CD3G: variants seen among roughly 807,000 people sequenced by gnomAD.
The protein encoded by CD3G is T-cell surface glycoprotein CD3 gamma chain.
In CD3G, 24 loss-of-function variants were observed where a neutral mutation model predicts 28.3. That is an observed-to-expected ratio of 0.85 (90% CI 0.61 to 1.19). CD3G has a LOEUF of 1.19. Among genes scored for constraint, CD3G ranks in the 50% most tolerant of loss-of-function variants. CD3G has a pLI of 0.00. For synonymous variants in CD3G, 71 were observed against 75.9 expected (o/e 0.93, Z 0.34); for missense variants, 211 against 210.0 (o/e 1.00, Z -0.03).
At position 118,348,793 on chromosome 11, in the gene CD3G, C is replaced by T. The variant is rs140572326; in HGVS notation, c.56-234C>T. Among the ~76,000 whole-genome samples the T allele has an allele frequency of 1.0e-2, 1,519 of 152,292 alleles. 19 individuals carry two copies. Among genetic ancestry groups the T allele is most frequent in the African/African-American group, 0.014 (602 of 41,588 alleles). On this transcript the variant is annotated intron_variant, in intron 1 of 6. Coordinates refer to ENST00000532917, the MANE Select transcript of CD3G (RefSeq NM_000073.3). ...ACTCCTGTCACTCATGAAATTCCAA[C>T]GGTTAGAAACACCCTCCCAGGATAC...
Position 118,349,980 on chromosome 11 carries a change from C to A in CD3G, c.307+10C>A, listed in dbSNP as rs770822390. 4.4e-6 allele frequency: 7 copies of A among 1,582,382 alleles called. No homozygotes were observed. The highest frequency in any genetic ancestry group is 6.1e-6 in the Non-Finnish European group (7 of 1,151,590). On this transcript the variant is annotated intron_variant, in intron 3 of 6. Coordinates refer to ENST00000532917, the MANE Select transcript of CD3G (RefSeq NM_000073.3). ...CAAGTGTATTACAGAAGTATGTAAT[C>A]CCCTTTGGTCTGTTTGTTGTGAAAT...
At chr11:118,346,113 C>T (rs777902407) in intron 1 of CD3G, among the ~76,000 whole-genome samples, 2 of 152,150 alleles carry the variant, frequency 1.3e-5, no homozygotes, top group Non-Finnish European at 2.9e-5. Context: ...CCTCCACTGT[C>T]TGGGAGTTCT....
At chr11:118,350,278 C>T in intron 3 of CD3G, 1 of 571,850 alleles carries the variant, frequency 1.7e-6, no homozygotes, top group Non-Finnish European at 3.1e-6. Context: ...GCAGTGAGAA[C>T]TGGAGCGCAG....
intron 2 of CD3G, chr11:118,349,363 A>G (rs1020725222): frequency 6.0e-6 from 7 of 1,162,930 alleles, no homozygotes; most frequent in Non-Finnish European, 8.0e-6. Context: ...GTCTCTGTCA[A>G]TCCTTCTCTT....
In CD3G at chr11:118,349,908, G is replaced by C; in HGVS notation, c.245G>C (p.Arg82Pro). Reference protein sequence around the residue: ...WNLGSNAKDPRGMYQCKGSQN... With the variant: ...WNLGSNAKDPPGMYQCKGSQN... ...CTGGGAAGTAATGCCAAGGACCCTC[G>C]AGGGATGTATCAGTGTAAAGGATCA... The change falls in exon 3 of 7, where the codon CGA (arginine) becomes CCA (proline). Residue 82 changes from arginine to proline, a missense_variant. Coordinates refer to ENST00000532917, the MANE Select transcript of CD3G (RefSeq NM_000073.3). The C allele has an allele frequency of 1.2e-6, 2 of 1,614,112 alleles. No homozygotes were observed. Among genetic ancestry groups the C allele is most frequent in the Non-Finnish European group, 1.7e-6 (2 of 1,180,018 alleles).
At chr11:118,347,883 A>G (rs1392993369) in intron 1 of CD3G, among the ~76,000 whole-genome samples, 2 of 152,134 alleles carry the variant, frequency 1.3e-5, no homozygotes, top group East Asian at 3.9e-4. Context: ...AGCATCCCAA[A>G]GTGCTGGGAT....
chr11:118,351,854 A>G (rs2092789875), intron 5 of CD3G, among the ~76,000 whole-genome samples, 183 bp downstream of exon 5: 1 of 152,104 alleles, frequency 6.6e-6, no homozygotes, highest in African/African-American at 2.4e-5. Context: ...GACTGAGGTC[A>G]GGATCTAGTG....
At chr11:118,352,844 T>C (rs1250875877) in intron 6 of CD3G, among the ~76,000 whole-genome samples, 2 of 152,224 alleles carry the variant, frequency 1.3e-5, no homozygotes, top group South Asian at 2.1e-4. Flanking sequence ...GTAGGAGTTA[T>C]GGAAGCATCC....
chr11:118,349,103 T>C, intron 2 of CD3G, 53 bp downstream of exon 2: 1 of 1,614,090 alleles, frequency 6.2e-7, no homozygotes, highest in Non-Finnish European at 8.5e-7. Flanking sequence ...GACGGAAATT[T>C]GGCTTCCTAC....
chr11:118,349,669 T>C, intron 2 of CD3G, 74 bp from the exon 3 acceptor site: 1 of 1,093,128 alleles, frequency 9.1e-7, no homozygotes, highest in Non-Finnish European at 1.4e-6. Flanking sequence ...ACTCTAATGA[T>C]CTCCTGGTAT....
rs192150599 is a variant in CD3G at position 118,352,304 on chromosome 11, C to T, written c.484-100C>T. On this transcript the variant is annotated intron_variant, in intron 5 of 6. Coordinates refer to ENST00000532917, the MANE Select transcript of CD3G (RefSeq NM_000073.3). ...TCCATCCTCAGGACCATGAAGTACC[C>T]ACTCCAAATTCTCACATATAAAAAA... 2.5e-4 allele frequency: 234 copies of T among 934,000 alleles called. 1 individual carries two copies. Among genetic ancestry groups the T allele is most frequent in the South Asian group, 1.7e-3 (130 of 77,410 alleles). The allele number at this position is 934,000 out of a possible 1,614,324, so 57.9% of individuals were successfully genotyped here.
chr11:118,352,479 TCA>T lies in CD3G; in HGVS notation c.*11_*12del. 2 of 1,610,566 alleles carry T rather than the reference TCA, an allele frequency of 1.2e-6. No homozygotes were observed. Among genetic ancestry groups the T allele is most frequent in the Non-Finnish European group, 1.7e-6 (2 of 1,176,924 alleles). ...GTTGAGGAGGAATTGAACTCAGGAC[TCA>T]GAGTAGGTGGGTTCTTCAATGCCAA... On this transcript the variant is annotated 3_prime_UTR_variant, in exon 6 of 7. Coordinates refer to ENST00000532917, the MANE Select transcript of CD3G (RefSeq NM_000073.3).
At chr11:118,351,561 T>C (rs1480532312) in intron 4 of CD3G, 67 bp from the exon 5 acceptor site, 3 of 1,436,866 alleles carry the variant, frequency 2.1e-6, no homozygotes, top group Non-Finnish European at 2.9e-6. Flanking sequence ...TAGTATTCCA[T>C]TTTGTGAATA....
chr11:118,345,311 G>A (rs1270754530), intron 1 of CD3G, among the ~76,000 whole-genome samples: 2 of 152,216 alleles, frequency 1.3e-5, no homozygotes, highest in Non-Finnish European at 2.9e-5. Flanking sequence ...TCTAGAAGAA[G>A]AGAATTACCA....
At chr11:118,350,421 C>T in intron 3 of CD3G, 131 bp from the exon 4 acceptor site, 2 of 775,128 alleles carry the variant, frequency 2.6e-6, no homozygotes, top group Non-Finnish European at 2.3e-6. Flanking sequence ...AAGGATCTTC[C>T]CTTGCCCTGC....
In CD3G at chr11:118,349,867, T is replaced by TA. The variant is rs570768621; in HGVS notation, c.213dup (p.Trp72MetfsTer6). ...AGATGATCGGCTTCCTAACTGAAGA[T>TA]AAAAAAAAATGGAATCTGGGAAGTA... On this transcript the variant is annotated frameshift_variant, in exon 3 of 7. Coordinates refer to ENST00000532917, the MANE Select transcript of CD3G (RefSeq NM_000073.3). LOFTEE classifies it high-confidence loss of function. The TA allele has an allele frequency of 8.6e-5, 138 of 1,601,060 alleles. No homozygotes were observed. Among genetic ancestry groups the TA allele is most frequent in the Middle Eastern group, 3.3e-4 (2 of 6,044 alleles).
Position 118,349,074 on chromosome 11 carries a change from T to C in CD3G, c.79+24T>C, listed in dbSNP as rs1045093121. On this transcript the variant is annotated intron_variant, in intron 2 of 6. Coordinates refer to ENST00000532917, the MANE Select transcript of CD3G (RefSeq NM_000073.3). ...AGGTAGGAGAAATGGCTTCTTTCTA[T>C]ACTCAGACTCAGAATATTGACGGAA... 3 of 1,614,192 alleles carry C rather than the reference T, an allele frequency of 1.9e-6. No homozygotes were observed. In the Admixed American group the frequency reaches 5.0e-5, roughly 27 times the overall value.
At chr11:118,350,404 T>C in intron 3 of CD3G, 148 bp from the exon 4 acceptor site, 1 of 733,798 alleles carries the variant, frequency 1.4e-6, no homozygotes, top group Admixed American at 1.9e-5. Context: ...GCATTGAGTT[T>C]TGGCGCAAGG....
At chr11:118,349,302 C>T in intron 2 of CD3G, 1 of 1,415,754 alleles carries the variant, frequency 7.1e-7, no homozygotes, top group Non-Finnish European at 9.2e-7. Context: ...ACATCTCAAA[C>T]TGTGACCCAT....
Sources: gnomAD v4.1 joint callset for allele counts (sites outside exome capture counted in the v4.1 genomes callset) on GRCh38, gnomAD v4.1.1 for gene constraint, MANE v1.5 for transcripts, NCBI Gene and HGNC (gene_info 2026-07-23, HGNC 2026-07-21) for gene names.